The following RGS6 variants were observed in gnomAD, a reference collection of about 807,000 sequenced individuals.
RGS6 encodes regulator of G-protein signaling 6.
Under a neutral mutation model 78.5 loss-of-function variants are expected in RGS6, and 30 were observed. The ratio of observed to expected loss-of-function variants is 0.38; its 90% confidence interval spans 0.29 to 0.52. RGS6 has a LOEUF of 0.52. Ranked by LOEUF, RGS6 falls within the 20% of genes least tolerant of loss-of-function variation. The pLI, the probability that RGS6 is intolerant of heterozygous loss-of-function variation, is 0.85. For missense variants in RGS6, 495 were observed against 609.7 expected (o/e 0.81, Z 1.98); for synonymous variants, 206 against 206.0 (o/e 1.00, Z 0.00).
chr14:72,610,019 C>A, the RGS6 span, among the ~76,000 whole-genome samples: 1 of 152,226 alleles, frequency 6.6e-6, no homozygotes, highest in Non-Finnish European at 1.5e-5. Context: ...TGGAGACCCA[C>A]TCTCTTGGTC....
At chr14:71,923,751 A>C in the RGS6 span, among the ~76,000 whole-genome samples, 1 of 152,170 alleles carries the variant, frequency 6.6e-6, no homozygotes. Flanking sequence ...CCATAGCAAC[A>C]GAAAACAGAT....
rs1320000498 is a variant in RGS6, at chr14:72,352,236, C to A, written c.184+42C>A. 2.0e-6 allele frequency: 3 copies of A among 1,472,830 alleles called. No individual in the cohort carries two copies. In the South Asian group the frequency reaches 3.5e-5, roughly 17 times the overall value. The allele number at this position is 1,472,830 out of a possible 1,614,324, so 91.2% of individuals were successfully genotyped here. On this transcript the variant is annotated intron_variant, in intron 3 of 17. Coordinates refer to ENST00000553525, the MANE Select transcript of RGS6 (RefSeq NM_001204424.2). ...AAGGTGTTGGTAACAGTCAGAACTACCAAAGAGTTATAAGTCTAGATTGCG... is the reference window on the plus strand; with the variant it reads ...AAGGTGTTGGTAACAGTCAGAACTAACAAAGAGTTATAAGTCTAGATTGCG...
intron 17 of RGS6, among the ~76,000 whole-genome samples, chr14:72,544,745 C>T (rs1329259612): frequency 4.6e-5 from 7 of 152,210 alleles, no homozygotes; most frequent in Admixed American, 6.5e-5. Context: ...CAGCCTCCCT[C>T]GCCCCCTCCT....
At chr14:72,127,072 A>G (rs987733994) in intron 2 of RGS6, among the ~76,000 whole-genome samples, 7 of 152,206 alleles carry the variant, frequency 4.6e-5, no homozygotes, top group African/African-American at 1.4e-4. Context: ...CAGTGTTAAA[A>G]TTGTCTTATC....
At chr14:72,362,926 T>C (rs1456343713) in intron 3 of RGS6, among the ~76,000 whole-genome samples, 1 of 152,174 alleles carries the variant, frequency 6.6e-6, no homozygotes, top group Non-Finnish European at 1.5e-5. Flanking sequence ...GAAAAGTCAT[T>C]CCACGTAGAG....
At chr14:72,135,453 T>C (rs2096417565) in intron 2 of RGS6, among the ~76,000 whole-genome samples, 1 of 152,162 alleles carries the variant, frequency 6.6e-6, no homozygotes, top group Non-Finnish European at 1.5e-5. Context: ...CCCTCCCAGC[T>C]CTAAACTTCT....
the RGS6 span, among the ~76,000 whole-genome samples, chr14:71,913,237 A>G: frequency 6.6e-6 from 1 of 152,286 alleles, no homozygotes; most frequent in East Asian, 1.9e-4. Flanking sequence ...CCCACTACAT[A>G]TGCATCTGAC....
the RGS6 span, among the ~76,000 whole-genome samples, chr14:71,881,959 A>G: frequency 6.6e-6 from 1 of 152,218 alleles, no homozygotes; most frequent in East Asian, 1.9e-4. Context: ...TATGCATAAC[A>G]TAAAACTTAC....
At chr14:72,134,474 CTTTGT>C (rs139886471) in intron 2 of RGS6, among the ~76,000 whole-genome samples, 10,436 of 152,234 alleles carry the variant, frequency 0.069, 413 homozygotes, top group Non-Finnish European at 0.099. Context: ...TTCCATTTTC[CTTTGT>C]TTTATGTACA....
In RGS6 at chr14:72,143,710, C is replaced by T. The variant is rs887369645; in HGVS notation, c.84+178835C>T. Among the ~76,000 whole-genome samples, 3 of 152,178 alleles carry T rather than the reference C, an allele frequency of 2.0e-5. 1 individual carries two copies. Among genetic ancestry groups the T allele is most frequent in the South Asian group, 4.2e-4 (2 of 4,806 alleles). On this transcript the variant is annotated intron_variant, in intron 2 of 17. Coordinates refer to ENST00000553525, the MANE Select transcript of RGS6 (RefSeq NM_001204424.2). ...CCTAGACCTTTCTTCTATCAGAACACGTCTTTAAGGTTGAATATCCAACAT... is the reference window on the plus strand; with the variant it reads ...CCTAGACCTTTCTTCTATCAGAACATGTCTTTAAGGTTGAATATCCAACAT...
chr14:72,064,652 C>T (rs145688581), intron 2 of RGS6, among the ~76,000 whole-genome samples: 11 of 152,230 alleles, frequency 7.2e-5, no homozygotes, highest in East Asian at 3.9e-4. Context: ...AGGATTGCAG[C>T]GCTGTCATTT....
At chr14:72,537,414 G>A (rs2097264967) in intron 16 of RGS6, 4 of 699,952 alleles carry the variant, frequency 5.7e-6, no homozygotes, top group Non-Finnish European at 1.0e-5. Flanking sequence ...TCCTGCCCTT[G>A]TGTAGCCCTG....
intron 2 of RGS6, among the ~76,000 whole-genome samples, chr14:72,310,769 G>A (rs2068412444): frequency 1.3e-5 from 2 of 152,104 alleles, no homozygotes; most frequent in South Asian, 4.1e-4. Context: ...CCTCCCCTGA[G>A]CCTTCATAAG....
chr14:72,562,353 C>T (rs1477276990), intron 17 of RGS6, 64 bp from the exon 18 acceptor site: 1 of 1,518,074 alleles, frequency 6.6e-7, no homozygotes, highest in African/African-American at 1.4e-5. Context: ...ACCTGTCTGG[C>T]TCTCTGTCTC....
intron 2 of RGS6, among the ~76,000 whole-genome samples, chr14:72,068,711 G>T (rs913970773): frequency 6.6e-6 from 1 of 151,420 alleles, no homozygotes; most frequent in East Asian, 2.0e-4. Context: ...TGGCTAGGCT[G>T]GTCTTGAACT....
chr14:71,941,418 T>C (rs2152957822), intron 1 of RGS6, among the ~76,000 whole-genome samples: 1 of 152,332 alleles, frequency 6.6e-6, no homozygotes, highest in East Asian at 1.9e-4. Flanking sequence ...ATTCTGTTCA[T>C]CTAGAACCAC....
intron 10 of RGS6, among the ~76,000 whole-genome samples, chr14:72,474,984 G>A (rs529797482): frequency 1.3e-5 from 2 of 150,934 alleles, no homozygotes; most frequent in South Asian, 2.1e-4. Flanking sequence ...GACAGTTGAG[G>A]AGCCCAGGAG....
chr14:72,157,295 G>C (rs1360764241), intron 2 of RGS6, among the ~76,000 whole-genome samples: 1 of 152,204 alleles, frequency 6.6e-6, no homozygotes, highest in Non-Finnish European at 1.5e-5. Context: ...ATTCCGTGGA[G>C]AGTGTTAGAT....
Position 72,541,074 on chromosome 14 carries a change from C to A in RGS6, c.1422+980C>A, listed in dbSNP as rs138766275. On this transcript the variant is annotated intron_variant, in intron 17 of 17. Transcript: ENST00000553525. ...ATCCCGCTCAATCACGGGGCCCATCCTGTACCATGAACATCAAACCAGAGG... is the reference window on the plus strand; with the variant it reads ...ATCCCGCTCAATCACGGGGCCCATCATGTACCATGAACATCAAACCAGAGG... 1.2e-3 allele frequency: 1,682 copies of A among 1,352,632 alleles called. 21 individuals are homozygous for A. The African/African-American group carries it at 0.023, about 18-fold the overall frequency. 83.8% of individuals were successfully genotyped at this position (1,352,632 alleles called of 1,614,324 possible). A position where few individuals can be genotyped will look rare whatever the true frequency, so the allele number is the denominator to read the frequency against.
Sources: gnomAD v4.1 joint callset for allele counts (sites outside exome capture counted in the v4.1 genomes callset) on GRCh38, gnomAD v4.1.1 for gene constraint, MANE v1.5 for transcripts, NCBI Gene and HGNC (gene_info 2026-07-23, HGNC 2026-07-21) for gene names.